ATAD2: variants seen among roughly 807,000 people sequenced by gnomAD.
ATAD2 encodes the protein ATPase family AAA domain-containing protein 2.
ATAD2 carries 62 observed loss-of-function variants against 168.9 expected under a neutral mutation model. That is an observed-to-expected ratio of 0.37 (90% confidence interval 0.30 to 0.45). ATAD2 has a LOEUF of 0.45. Ranked by LOEUF, ATAD2 falls within the 20% of genes least tolerant of loss-of-function variation. The pLI is 1.00. For missense variants in ATAD2, 1,419 were observed against 1,667.8 expected, an observed-to-expected ratio of 0.85 and a Z score of 2.60; for synonymous variants, 613 against 571.6, an observed-to-expected ratio of 1.07 and a Z score of -1.03.
At chr8:123,351,032 G>T (rs553589096) in intron 13 of ATAD2, among the ~76,000 whole-genome samples, 3 of 151,894 alleles carry the variant, frequency 2.0e-5, no homozygotes, top group Non-Finnish European at 4.4e-5. Flanking sequence ...CACTGCACCC[G>T]GCCTAGATCT....
intron 1 of ATAD2, among the ~76,000 whole-genome samples, chr8:123,381,593 A>C (rs1829495441): frequency 6.6e-6 from 1 of 152,242 alleles, no homozygotes; most frequent in Non-Finnish European, 1.5e-5. Flanking sequence ...TTTTAGTACA[A>C]TAAATAGACT....
At chr8:123,401,187 C>A, upstream of ATAD2, 1 of 959,004 alleles carries the variant, frequency 1.0e-6, no homozygotes, top group Non-Finnish European at 1.7e-6. Context: ...TGCAGCAAAG[C>A]AAGAAAGTGA....
chr8:123,375,823 T>C (rs559039310), intron 2 of ATAD2, among the ~76,000 whole-genome samples: 8 of 152,076 alleles, frequency 5.3e-5, no homozygotes, highest in Non-Finnish European at 1.2e-4. Flanking sequence ...ATACAAAAAT[T>C]AGTGGCTGGG....
Position 123,385,769 on chromosome 8 carries a change from T to A in ATAD2, c.172-5092A>T, listed in dbSNP as rs193192878. On this transcript the variant is annotated intron_variant, in intron 1 of 27. Transcript: ENST00000287394. ...TCATATACTGATAAGGTATATAAGG[T>A]TTTATATATACATACACACACACAC... is the stretch of plus-strand genomic sequence containing the variant. Among the ~76,000 whole-genome samples the A allele has an allele frequency of 3.3e-5, 5 of 151,142 alleles. No homozygotes were observed. In the East Asian group the frequency reaches 9.7e-4, roughly 29 times the overall value.
intron 15 of ATAD2, 80 bp from the exon 16 acceptor site, chr8:123,347,486 T>TA (rs1055313074): frequency 3.4e-3 from 3,991 of 1,189,940 alleles, no homozygotes; most frequent in South Asian, 4.0e-3. Context: ...TGACCATGGT[T>TA]AAAAAAAAAA....
At chr8:123,413,805 C>G (rs1177046185) in intron 1 of ATAD2, among the ~76,000 whole-genome samples, 2 of 152,036 alleles carry the variant, frequency 1.3e-5, no homozygotes, top group Non-Finnish European at 1.5e-5. Context: ...GCAAATAAGG[C>G]ATGTGAAAGA....
In ATAD2 at chr8:123,344,909, T is replaced by C. The variant is rs767208555; in HGVS notation, c.2693A>G (p.Lys898Arg). 6.2e-7 allele frequency: 1 copy of C among 1,614,132 alleles called. No homozygotes were observed. The change falls in exon 19 of 28, where the codon AAA becomes AGA. Residue 898 changes from lysine (K) to arginine (R), a missense_variant. Physicochemically the swap from Lys to Arg is conservative, Grantham distance 26. Coordinates refer to ENST00000287394, the MANE Select transcript of ATAD2 (RefSeq NM_014109.4). ...CTCTTCTGGCAAAGCGGAATGGGGT[T>C]TGTCAGAAGTTGCAAGTAGTAAAAC... ...APVLLLATSD[K>R]PHSALPEEVQ...
At chr8:123,371,197 G>A (rs766038392) in intron 5 of ATAD2, 39 bp downstream of exon 5, 1 of 1,487,128 alleles carries the variant, frequency 6.7e-7, no homozygotes, top group Non-Finnish European at 9.2e-7. Flanking sequence ...AAATTAAACT[G>A]GATATTAAAT....
rs775773999 is a variant in ATAD2, at chr8:123,359,607, G to T, written c.1236C>A (p.Ala412=). 3 of 1,612,642 alleles carry T rather than the reference G, an allele frequency of 1.9e-6. No individual in the cohort carries two copies. Among genetic ancestry groups the T allele is most frequent in the Non-Finnish European group, 2.5e-6 (3 of 1,179,498 alleles). ...KDRMKIGASL[A]DVDPMQLDSS... ...AATCTAGTTGCATTGGATCAACATC[G>T]GCAAGGCTTGCTCCAATTTTCATTC... Residue 412 remains alanine (A), a synonymous_variant, in exon 10 of 28, where the codon GCC becomes GCA. Coordinates refer to ENST00000287394, the MANE Select transcript of ATAD2 (RefSeq NM_014109.4).
In ATAD2 at chr8:123,369,930, ATCATCATCATCATCG is replaced by A. The variant is rs747887441; in HGVS notation, c.807_821del (p.Asp273_Asp277del). 11 of 1,579,450 alleles carry A rather than the reference ATCATCATCATCATCG, an allele frequency of 7.0e-6. No individual in the cohort carries two copies. Among genetic ancestry groups the A allele is most frequent in the East Asian group, 6.7e-5 (3 of 44,494 alleles). On this transcript the variant is annotated inframe_deletion, in exon 7 of 28. Transcript: ENST00000287394. ...CATCTTCATCATCTTCATCATCATC[ATCATCATCATCATCG>A]TCATCATCATCATCATCTTCATCAT...
intron 1 of ATAD2, among the ~76,000 whole-genome samples, chr8:123,412,133 C>T (rs1315139851): frequency 6.6e-6 from 1 of 152,206 alleles, no homozygotes; most frequent in Admixed American, 6.5e-5. Flanking sequence ...GCCACGCGAA[C>T]TAGGGCATCA....
Position 123,371,412 on chromosome 8 carries a change from C to T in ATAD2, c.537-74G>A, listed in dbSNP as rs1451392665. ...GAATTTTAAAAACTTTATTTTTCTT[C>T]CATTGCAAACTTTTGGCACTAAGGT... On this transcript the variant is annotated intron_variant, in intron 4 of 27. Coordinates refer to ENST00000287394, the MANE Select transcript of ATAD2 (RefSeq NM_014109.4). 9.1e-6 allele frequency: 11 copies of T among 1,210,986 alleles called. No individual in the cohort carries two copies. The East Asian group carries it at 2.8e-4, about 31-fold the overall frequency. The allele number at this position is 1,210,986 out of a possible 1,614,324, so 75.0% of individuals were successfully genotyped here.
intron 1 of ATAD2, among the ~76,000 whole-genome samples, chr8:123,393,559 G>C (rs573909545): frequency 1.3e-5 from 2 of 151,856 alleles, no homozygotes; most frequent in South Asian, 4.2e-4. Flanking sequence ...GAGGGAAGGT[G>C]GGGCATAATA....
intron 21 of ATAD2, 96 bp from the exon 22 acceptor site, chr8:123,336,628 A>C: frequency 1.1e-6 from 1 of 885,932 alleles, no homozygotes; most frequent in East Asian, 2.9e-5. Context: ...ATAGAGAATA[A>C]ATACGTAAGA....
At chr8:123,390,472 A>G (rs74672583) in intron 1 of ATAD2, among the ~76,000 whole-genome samples, 3,551 of 152,174 alleles carry the variant, frequency 0.023, 147 homozygotes, top group African/African-American at 0.082. Flanking sequence ...ATGTCACCCA[A>G]TTCCAGGGAA....
At position 123,357,543 on chromosome 8, in the gene ATAD2, T is replaced by C. The variant is rs1212815468; in HGVS notation, c.1557+19A>G. On this transcript the variant is annotated intron_variant, in intron 12 of 27. Coordinates refer to ENST00000287394, the MANE Select transcript of ATAD2 (RefSeq NM_014109.4). The stretch of plus-strand genomic sequence containing the variant: ...TAGATTACAGAACTATCCAGATATA[T>C]AAAATGTTAATATCATACCTGATCA... 2 of 1,598,626 alleles carry C rather than the reference T, an allele frequency of 1.3e-6. No individual in the cohort carries two copies. Among genetic ancestry groups the C allele is most frequent in the Non-Finnish European group, 1.7e-6 (2 of 1,173,478 alleles).
intron 15 of ATAD2, 120 bp from the exon 16 acceptor site, chr8:123,347,526 A>G: frequency 1.9e-6 from 2 of 1,036,938 alleles, no homozygotes; most frequent in South Asian, 3.5e-5. Context: ...TATAGTTAGC[A>G]AATATTTAAG....
rs1829090438 is a variant in ATAD2 at position 123,369,888 on chromosome 8, T to C, written c.864A>G (p.Glu288=). 1 of 1,610,874 alleles carries C rather than the reference T, an allele frequency of 6.2e-7. No homozygotes were observed. Among genetic ancestry groups the C allele is most frequent in the African/African-American group, 1.3e-5 (1 of 74,672 alleles). The change falls in exon 7 of 28, where the codon GAA becomes GAG. Residue 288 remains glutamate, a synonymous_variant. Transcript: ENST00000287394. ...TAAGATAATATCGCTTCTGATTCTC[T>C]TCTTCTCCATCTTCTTCATCTTCAT... ...EDDEDEEDGE[E]ENQKRYYLRQ... is the part of the protein sequence containing the mutation.
intron 1 of ATAD2, among the ~76,000 whole-genome samples, chr8:123,408,053 G>A (rs1813091267): frequency 6.6e-6 from 1 of 152,108 alleles, no homozygotes; most frequent in African/African-American, 2.4e-5. Flanking sequence ...ACATTAATTT[G>A]GACTGGGATT....
Sources: allele counts gnomAD v4.1 joint callset (sites outside exome capture counted in the v4.1 genomes callset), GRCh38; gene constraint gnomAD v4.1.1; transcripts MANE v1.5; gene names NCBI Gene and HGNC (gene_info 2026-07-23, HGNC 2026-07-21).